WWOX: variants seen among roughly 807,000 people sequenced by gnomAD.
WWOX encodes the protein WW domain containing oxidoreductase, also known as WW domain-containing oxidoreductase.
WWOX carries 69 observed loss-of-function variants against 46.2 expected under a neutral mutation model. That is an observed-to-expected ratio of 1.49 (90% CI 1.23 to 1.82). The LOEUF is 1.82. Among genes scored for constraint, WWOX ranks in the 40% most tolerant of loss-of-function variants. WWOX has a pLI of 0.00. For missense variants in WWOX, 919 were observed against 542.6 expected (o/e 1.69, Z -6.89); for synonymous variants, 359 against 202.6 (o/e 1.77, Z -6.56).
intron 8 of WWOX, among the ~76,000 whole-genome samples, chr16:78,979,455 G>A: frequency 6.6e-6 from 1 of 152,160 alleles, no homozygotes; most frequent in Non-Finnish European, 1.5e-5. Flanking sequence ...CCCCCATCGA[G>A]GTGCTCAGAT....
chr16:78,393,134 G>A (rs2082212071), intron 6 of WWOX, among the ~76,000 whole-genome samples: 1 of 152,186 alleles, frequency 6.6e-6, no homozygotes, highest in South Asian at 2.1e-4. Context: ...CCTGGCAGCA[G>A]TGGTGTCCAT....
At chr16:78,688,109 T>A (rs1366621544) in intron 8 of WWOX, among the ~76,000 whole-genome samples, 1 of 150,430 alleles carries the variant, frequency 6.6e-6, no homozygotes, top group Non-Finnish European at 1.5e-5. Context: ...GGTTATTATT[T>A]CTATATATCT....
chr16:78,820,761 G>A (rs1014228514), intron 8 of WWOX, among the ~76,000 whole-genome samples: 19 of 152,102 alleles, frequency 1.2e-4, no homozygotes, highest in East Asian at 1.9e-4. Context: ...TTTGGTGGCC[G>A]GAAGTCCAAA....
chr16:78,897,887 T>G (rs1597121990), intron 8 of WWOX: 1 of 152,298 alleles, frequency 6.6e-6, no homozygotes. Context: ...ACGCTATCTC[T>G]TGCTAGTTTT....
rs774296956 is a variant in WWOX at position 78,432,620 on chromosome 16, C to T, written c.924C>T (p.His308=). 7 of 1,614,124 alleles carry T rather than the reference C, an allele frequency of 4.3e-6. No individual in the cohort carries two copies. In the South Asian group the frequency reaches 4.4e-5, roughly 10 times the overall value. ...LCNILFSNEL[H]RRLSPRGVTS... ...ACATCCTCTTCTCCAACGAGCTGCA[C>T]CGTCGCCTCTCCCCACGCGGGGTCA... The change falls in exon 8 of 9, where the codon CAC becomes CAT. Residue 308 remains histidine, a synonymous_variant. Coordinates refer to ENST00000566780, the MANE Select transcript of WWOX (RefSeq NM_016373.4).
intron 8 of WWOX, among the ~76,000 whole-genome samples, chr16:78,635,907 G>C (rs1027462312): frequency 2.6e-5 from 4 of 152,134 alleles, no homozygotes; most frequent in Admixed American, 2.6e-4. Context: ...ACAGAGAAAA[G>C]TGCCTCGTAT....
chr16:78,953,387 C>A (rs2046101934), intron 8 of WWOX, among the ~76,000 whole-genome samples: 1 of 152,152 alleles, frequency 6.6e-6, no homozygotes, highest in Admixed American at 6.5e-5. Context: ...ATGGATGCTG[C>A]TAATTGCAAA....
rs545415198 is a variant in WWOX, at chr16:78,155,008, A to T, written c.410-9175A>T. ...TGACCAACTAGAAAGCCCAAACCCC[A>T]CCTCTAGCTGACAGTGGCTTCTCAG... On this transcript the variant is annotated intron_variant, in intron 4 of 8. Coordinates refer to ENST00000566780, the MANE Select transcript of WWOX (RefSeq NM_016373.4). Among the ~76,000 whole-genome samples the T allele has an allele frequency of 7.2e-5, 11 of 152,222 alleles. No homozygotes were observed. In the South Asian group the frequency reaches 2.1e-3, roughly 29 times the overall value.
intron 8 of WWOX, among the ~76,000 whole-genome samples, chr16:79,095,740 G>A (rs1030294982): frequency 6.6e-6 from 1 of 152,026 alleles, no homozygotes; most frequent in African/African-American, 2.4e-5. Context: ...ACATGTGAGA[G>A]GAGCAAGGGA....
At position 78,164,206 on chromosome 16, in the gene WWOX, G is replaced by T. The variant is rs1337319906; in HGVS notation, c.433G>T (p.Ala145Ser). The T allele has an allele frequency of 6.2e-7, 1 of 1,614,064 alleles. No homozygotes were observed. The highest frequency in any genetic ancestry group is 8.5e-7 in the Non-Finnish European group (1 of 1,180,010). Residue 145 changes from alanine (A) to serine (S), a missense_variant, in exon 5 of 9, where the codon GCC becomes TCC. Transcript: ENST00000566780. Reference protein sequence around the residue: ...GIGFETAKSFALHGAHVILAC... With the variant: ...GIGFETAKSFSLHGAHVILAC... ...AGGGTTCGAAACCGCCAAGTCTTTT[G>T]CCCTCCATGGTGCACATGTGATCTT...
At chr16:78,600,787 G>T (rs975172375) in intron 8 of WWOX, among the ~76,000 whole-genome samples, 1 of 152,160 alleles carries the variant, frequency 6.6e-6, no homozygotes, top group Non-Finnish European at 1.5e-5. Context: ...CAGCCATCTT[G>T]GGAGTGCTCA....
rs78216103 is a variant in WWOX, at chr16:78,473,578, G to A, written c.1056+40826G>A. The stretch of plus-strand genomic sequence containing the variant: ...CAGATACACTTATCTGTGAGCAGAC[G>A]TGATTCAGGGGAGATTGTTGTCCCT... On this transcript the variant is annotated intron_variant, in intron 8 of 8. Coordinates refer to ENST00000566780, the MANE Select transcript of WWOX (RefSeq NM_016373.4). 7.3e-3 allele frequency among the ~76,000 whole-genome samples: 1,044 copies of A among 143,388 alleles called. 13 individuals carry two copies. Among genetic ancestry groups the A allele is most frequent in the African/African-American group, 0.028 (1,003 of 35,492 alleles). 94.1% of individuals were successfully genotyped at this position (143,388 alleles called of 152,430 possible).
intron 8 of WWOX, among the ~76,000 whole-genome samples, chr16:79,159,970 AG>A (rs543387309): frequency 2.7e-4 from 41 of 151,976 alleles, no homozygotes; most frequent in African/African-American, 9.6e-4. Flanking sequence ...ATTCATACCT[AG>A]GGGGCTTTGG....
intron 5 of WWOX, among the ~76,000 whole-genome samples, chr16:78,301,037 C>A (rs1198497404): frequency 6.7e-6 from 1 of 150,190 alleles, no homozygotes; most frequent in East Asian, 1.9e-4. Flanking sequence ...TCCATCCATC[C>A]ATCATCCATC....
intron 8 of WWOX, among the ~76,000 whole-genome samples, chr16:78,818,342 C>G (rs1023197668): frequency 4.6e-5 from 7 of 152,238 alleles, no homozygotes; most frequent in African/African-American, 1.4e-4. Flanking sequence ...CCAGCACACA[C>G]AGCCCTTCTC....
chr16:78,677,204 C>T (rs1348909860), intron 8 of WWOX, among the ~76,000 whole-genome samples: 1 of 152,088 alleles, frequency 6.6e-6, no homozygotes, highest in Admixed American at 6.5e-5. Flanking sequence ...GGCAATCAGG[C>T]TCTTCTCAAA....
At chr16:78,644,459 C>T (rs1438208260) in intron 8 of WWOX, among the ~76,000 whole-genome samples, 1 of 150,642 alleles carries the variant, frequency 6.6e-6, no homozygotes, top group Non-Finnish European at 1.5e-5. Context: ...AACCTGGGCC[C>T]TTATTTTTTT....
intron 5 of WWOX, among the ~76,000 whole-genome samples, chr16:78,299,575 G>A (rs1327716108): frequency 1.3e-5 from 2 of 149,482 alleles, no homozygotes; most frequent in Non-Finnish European, 3.0e-5. Context: ...CTGGAGTGCA[G>A]TGGCGAGATT....
intron 8 of WWOX, among the ~76,000 whole-genome samples, chr16:78,755,260 A>C (rs1171258258): frequency 6.6e-6 from 1 of 151,638 alleles, no homozygotes; most frequent in Non-Finnish European, 1.5e-5. Context: ...AAAAGAAAAC[A>C]CCGGAAAAAA....
Sources: gnomAD v4.1 joint callset for allele counts (sites outside exome capture counted in the v4.1 genomes callset) on GRCh38, gnomAD v4.1.1 for gene constraint, MANE v1.5 for transcripts, NCBI Gene and HGNC (gene_info 2026-07-23, HGNC 2026-07-21) for gene names.